ANLN: variants seen among roughly 807,000 people sequenced by gnomAD.
ANLN encodes anillin.
ANLN carries 59 observed loss-of-function variants against 135.1 expected under a neutral mutation model. The observed-to-expected ratio is 0.44, with a 90% CI of 0.35 to 0.54. ANLN has a LOEUF of 0.54. Ranked by LOEUF, ANLN falls within the 20% of genes least tolerant of loss-of-function variation. ANLN has a pLI of 0.00. For missense variants in ANLN, 1,182 were observed against 1,340.0 expected (o/e 0.88, Z 1.84); for synonymous variants, 406 against 456.4 (o/e 0.89, Z 1.41).
intron 13 of ANLN, 88 bp downstream of exon 13, chr7:36,422,080 A>G: frequency 1.4e-6 from 2 of 1,452,878 alleles, no homozygotes; most frequent in Non-Finnish European, 1.9e-6. Context: ...AGTTTAGAGA[A>G]AGGGCTTTTC....
chr7:36,452,688 T>C lies in ANLN; in HGVS notation c.*88T>C. On this transcript the variant is annotated 3_prime_UTR_variant, in exon 24 of 24. Coordinates refer to ENST00000265748, the MANE Select transcript of ANLN (RefSeq NM_018685.5). ...CATCAGATTTACTGATTGCATTTTATGCTTTAAGTACGAAAGGGTTTGTGC... is the reference window on the plus strand; with the variant it reads ...CATCAGATTTACTGATTGCATTTTACGCTTTAAGTACGAAAGGGTTTGTGC... The C allele has an allele frequency of 2.0e-6, 3 of 1,506,984 alleles. No individual in the cohort carries two copies. Among genetic ancestry groups the C allele is most frequent in the Non-Finnish European group, 2.7e-6 (3 of 1,102,076 alleles). 93.4% of individuals were successfully genotyped at this position (1,506,984 alleles called of 1,614,324 possible). A position where few individuals can be genotyped will look rare whatever the true frequency, so the allele number is the denominator to read the frequency against.
At chr7:36,444,428 T>C (rs2116806534) in intron 22 of ANLN, among the ~76,000 whole-genome samples, 1 of 152,334 alleles carries the variant, frequency 6.6e-6, no homozygotes, top group Admixed American at 6.5e-5. Flanking sequence ...CCTTCTTTTC[T>C]ACTGGATGTT....
intron 21 of ANLN, 88 bp from the exon 22 acceptor site, chr7:36,443,667 T>C: frequency 1.3e-6 from 1 of 762,370 alleles, no homozygotes. Context: ...TATGTCAACA[T>C]ACTACAGTTA....
At chr7:36,419,120 G>T (rs2116650046) in intron 9 of ANLN, 124 bp from the exon 10 acceptor site, 1 of 620,808 alleles carries the variant, frequency 1.6e-6, no homozygotes, top group Non-Finnish European at 2.7e-6. Flanking sequence ...TTCTTTTTAG[G>T]AGGTGCTTTT....
At position 36,411,131 on chromosome 7, in the gene ANLN, G is replaced by A. The variant is rs144175389; in HGVS notation, c.1360G>A (p.Gly454Arg). 133 of 1,607,464 alleles carry A rather than the reference G, an allele frequency of 8.3e-5. No individual in the cohort carries two copies. The African/African-American group carries it at 1.5e-3, about 18-fold the overall frequency. Residue 454 changes from glycine (G) to arginine (R), a missense_variant, in exon 7 of 24, where the codon GGA (glycine) becomes AGA (arginine). Gly to Arg is a moderately radical substitution (Grantham distance 125). Transcript: ENST00000265748. ...CAATATATGGAGTGCAGAAAAAGGC[G>A]GAAACTCAAAAAGCAAACAACTAGA... ...KGNIWSAEKGGNSKSKQLETK... is the reference protein window; with the variant it reads ...KGNIWSAEKGRNSKSKQLETK...
intron 3 of ANLN, chr7:36,403,576 G>A (rs1251967584): frequency 1.3e-5 from 2 of 152,288 alleles, no homozygotes; most frequent in African/African-American, 4.8e-5. Flanking sequence ...GGTCAGTTGA[G>A]TGAGTTAAGT....
intron 21 of ANLN, among the ~76,000 whole-genome samples, chr7:36,442,085 C>T (rs1490423261): frequency 6.6e-6 from 1 of 152,166 alleles, no homozygotes; most frequent in Non-Finnish European, 1.5e-5. Context: ...TGATTCAAGC[C>T]ACCTTTTGGG....
chr7:36,397,072 C>T (rs192983396), intron 2 of ANLN, among the ~76,000 whole-genome samples: 43 of 152,028 alleles, frequency 2.8e-4, no homozygotes, highest in African/African-American at 9.9e-4. Flanking sequence ...AATAATCTTC[C>T]TTAGTACGAC....
chr7:36,407,345 G>A (rs1648001745), intron 4 of ANLN, among the ~76,000 whole-genome samples: 1 of 152,106 alleles, frequency 6.6e-6, no homozygotes, highest in African/African-American at 2.4e-5. Flanking sequence ...TAACTATGAA[G>A]TACATGATAC....
intron 5 of ANLN, among the ~76,000 whole-genome samples, chr7:36,410,078 G>A (rs908955474): frequency 5.9e-5 from 9 of 152,066 alleles, no homozygotes; most frequent in Admixed American, 2.6e-4. Flanking sequence ...TTATTTTCAC[G>A]TTAGGCTTCC....
chr7:36,413,824 G>A lies in ANLN; in HGVS notation c.1396-1934G>A, dbSNP rs533208130. On this transcript the variant is annotated intron_variant, in intron 7 of 23. Transcript: ENST00000265748. ...TGGCCAACATGGTGAAACCCTATCT[G>A]TACTAAAAATACAAAAAAAATTAGC... Among the ~76,000 whole-genome samples, 3 of 150,300 alleles carry A rather than the reference G, an allele frequency of 2.0e-5. No individual in the cohort carries two copies. The South Asian group carries it at 6.4e-4, about 32-fold the overall frequency.
chr7:36,396,037 A>T (rs1786680059), intron 1 of ANLN, among the ~76,000 whole-genome samples: 1 of 152,168 alleles, frequency 6.6e-6, no homozygotes, highest in African/African-American at 2.4e-5. Flanking sequence ...GGCCGTTAAA[A>T]ATCTTATATA....
In ANLN at chr7:36,407,653, A is replaced by C; in HGVS notation, c.874-81A>C. The C allele has an allele frequency of 1.1e-5, 11 of 1,032,956 alleles. No homozygotes were observed. The South Asian group carries it at 1.6e-4, about 15-fold the overall frequency. The allele number at this position is 1,032,956 out of a possible 1,614,324, so 64.0% of individuals were successfully genotyped here. A position where few individuals can be genotyped will look rare whatever the true frequency, so the allele number is the denominator to read the frequency against. The stretch of plus-strand genomic sequence containing the variant: ...AATCTTACATAAAGGCTATCAAGTA[A>C]ATAGGACTTGAATTGTTTTGTTATA... On this transcript the variant is annotated intron_variant, in intron 4 of 23. Transcript: ENST00000265748.
rs574133888 is a variant in ANLN, at chr7:36,412,975, C to G, written c.1395+1809C>G. Among the ~76,000 whole-genome samples the G allele has an allele frequency of 3.3e-5, 5 of 152,104 alleles. No individual in the cohort carries two copies. The South Asian group carries it at 1.0e-3, about 32-fold the overall frequency. ...CTCAAAGTGTCCCACTTTTTTTCAC[C>G]CATGTCATCCTGTGTATACCTCAAC... On this transcript the variant is annotated intron_variant, in intron 7 of 23. Coordinates refer to ENST00000265748, the MANE Select transcript of ANLN (RefSeq NM_018685.5).
intron 1 of ANLN, 138 bp downstream of exon 1, chr7:36,390,182 G>C: frequency 6.8e-7 from 1 of 1,463,040 alleles, no homozygotes. Context: ...TGCGGGCCGG[G>C]GTCGCCGCGG....
At chr7:36,433,795 A>C (rs1313408849) in intron 20 of ANLN, among the ~76,000 whole-genome samples, 2 of 151,934 alleles carry the variant, frequency 1.3e-5, no homozygotes, top group Non-Finnish European at 2.9e-5. Context: ...TCTTGATGTG[A>C]TCTAGGCTTT....
intron 20 of ANLN, among the ~76,000 whole-genome samples, chr7:36,431,551 A>G (rs538872002): frequency 3.2e-5 from 3 of 93,782 alleles, no homozygotes; most frequent in African/African-American, 1.2e-4. Flanking sequence ...GTGTGTATAT[A>G]TGTGTGTGTT....
intron 3 of ANLN, among the ~76,000 whole-genome samples, chr7:36,399,986 CAA>C (rs914244011): frequency 8.5e-6 from 1 of 117,372 alleles, no homozygotes. Flanking sequence ...TGCCTTGTTA[CAA>C]AAAAAAAAAG....
intron 22 of ANLN, among the ~76,000 whole-genome samples, chr7:36,447,088 C>T (rs915135858): frequency 4.6e-5 from 7 of 152,302 alleles, no homozygotes; most frequent in Admixed American, 4.6e-4. Flanking sequence ...CTTACACCCA[C>T]AAATTTAATG....
Sources: allele counts gnomAD v4.1 joint callset (sites outside exome capture counted in the v4.1 genomes callset), GRCh38; gene constraint gnomAD v4.1.1; transcripts MANE v1.5; gene names NCBI Gene and HGNC (gene_info 2026-07-23, HGNC 2026-07-21).